CAPN10: variants seen among roughly 807,000 people sequenced by gnomAD.
CAPN10 encodes the protein calpain 10, also known as calpain-10.
CAPN10 carries 71 observed loss-of-function variants against 78.4 expected under a neutral mutation model. The observed-to-expected ratio is 0.91, with a 90% CI of 0.75 to 1.10. The LOEUF is 1.10. CAPN10 is among the 50% of genes least tolerant of loss of function. The pLI is 0.00. For synonymous variants in CAPN10, 437 were observed against 407.2 expected (o/e 1.07, Z -0.88); for missense variants, 849 against 924.6 (o/e 0.92, Z 1.06).
chr2:240,592,295 T>C (rs976253831), intron 4 of CAPN10, 145 bp downstream of exon 4: 15 of 766,780 alleles, frequency 2.0e-5, no homozygotes, highest in Non-Finnish European at 2.9e-5. Flanking sequence ...TCAAGGGTGG[T>C]GTCCTCAGTT....
At position 240,598,240 on chromosome 2, in the gene CAPN10, T is replaced by C. The variant is rs2093150170; in HGVS notation, c.1944-112T>C. ...GCTGTCCTGCCTACCTGGGGACCCT[T>C]CCTTGCTGGTCTGAGCCTGGAAGGA... On this transcript the variant is annotated intron_variant, in intron 10 of 11. Coordinates refer to ENST00000391984, the MANE Select transcript of CAPN10 (RefSeq NM_023083.4). 1.4e-5 allele frequency: 20 copies of C among 1,451,760 alleles called. No individual in the cohort carries two copies. In the Middle Eastern group the frequency reaches 2.3e-3, roughly 165 times the overall value. 89.9% of individuals were successfully genotyped at this position (1,451,760 alleles called of 1,614,324 possible).
chr2:240,597,966 T>A lies in CAPN10; in HGVS notation c.1822T>A (p.Tyr608Asn). ...GCTGCTGAGCTGCGTGCCACATCGC[T>A]ACGCCCAGGAGGTGAGCCGGCTCTG... ...EPLLSCVPHR[Y>N]AQEVSRLCLL... The change falls in exon 10 of 12, where the codon TAC becomes AAC. Residue 608 changes from tyrosine to asparagine, a missense_variant. Transcript: ENST00000391984. The A allele has an allele frequency of 6.2e-7, 1 of 1,613,030 alleles. No individual in the cohort carries two copies. Among genetic ancestry groups the A allele is most frequent in the Non-Finnish European group, 8.5e-7 (1 of 1,179,936 alleles).
chr2:240,595,961 C>T, intron 7 of CAPN10: 1 of 1,364,004 alleles, frequency 7.3e-7, no homozygotes, highest in Non-Finnish European at 9.7e-7. Context: ...CACACTGTTC[C>T]CTGTCCCTTC....
In CAPN10 at chr2:240,589,479, G is replaced by C. The variant is rs753055677; in HGVS notation, c.273+5G>C. 7 of 1,609,652 alleles carry C rather than the reference G, an allele frequency of 4.3e-6. No individual in the cohort carries two copies. Among genetic ancestry groups the C allele is most frequent in the Non-Finnish European group, 5.9e-6 (7 of 1,178,244 alleles). ...AGCAGGCACCTCCTGGACCAGGTGC[G>C]GGGCCCCTTCCCTGTGTTTGTCCTG... is the stretch of plus-strand genomic sequence containing the variant. On this transcript the variant is annotated splice_donor_5th_base_variant and intron_variant, in intron 2 of 11. Coordinates refer to ENST00000391984, the MANE Select transcript of CAPN10 (RefSeq NM_023083.4).
In CAPN10 at chr2:240,587,010, G is replaced by A; in HGVS notation, c.99G>A (p.Pro33=). Residue 33 remains proline (P), a synonymous_variant, in exon 1 of 12, where the codon CCG becomes CCA. Transcript: ENST00000391984. ...DSSLFCDLST[P]LAQFREDITW... ...CGCTCTTCTGCGACTTGTCTACGCC[G>A]CTGGCCCAGTTCCGCGAGGACATCA... 1 of 1,475,508 alleles carries A rather than the reference G, an allele frequency of 6.8e-7. No homozygotes were observed. Among genetic ancestry groups the A allele is most frequent in the South Asian group, 1.3e-5 (1 of 76,480 alleles). 91.4% of individuals were successfully genotyped at this position (1,475,508 alleles called of 1,614,324 possible).
chr2:240,589,611 A>G (rs1353409731), intron 2 of CAPN10, 137 bp downstream of exon 2: 27 of 1,146,260 alleles, frequency 2.4e-5, no homozygotes, highest in Non-Finnish European at 3.3e-5. Flanking sequence ...GGAAGGCAGG[A>G]GAGTTCCAAG....
intron 4 of CAPN10, among the ~76,000 whole-genome samples, chr2:240,593,599 G>A (rs2093116836): frequency 1.3e-5 from 2 of 152,268 alleles, no homozygotes; most frequent in African/African-American, 4.8e-5. Context: ...GCTGTGCCAG[G>A]CATCGTGCAC....
At chr2:240,596,105 G>A (rs1196757426) in intron 7 of CAPN10, 11 of 1,536,142 alleles carry the variant, frequency 7.2e-6, no homozygotes, top group Admixed American at 4.0e-5. Flanking sequence ...TTGCAGGCTC[G>A]TGTCTGGGAC....
rs757825561 is a variant in CAPN10 at position 240,598,335 on chromosome 2, C to G, written c.1944-17C>G. 1 of 1,613,654 alleles carries G rather than the reference C, an allele frequency of 6.2e-7. No individual in the cohort carries two copies. Among genetic ancestry groups the G allele is most frequent in the East Asian group, 2.2e-5 (1 of 44,864 alleles). On this transcript the variant is annotated splice_polypyrimidine_tract_variant and intron_variant, in intron 10 of 11. Transcript: ENST00000391984. The stretch of plus-strand genomic sequence containing the variant: ...ACAAGTGCAGTCTGGGAGCGCTGAT[C>G]TGGTGTCTCTCCACAGGCCATCCAT...
intron 9 of CAPN10, 88 bp from the exon 10 acceptor site, chr2:240,597,800 A>T: frequency 8.5e-7 from 1 of 1,181,036 alleles, no homozygotes; most frequent in Non-Finnish European, 1.2e-6. Context: ...GTGACTCAAG[A>T]GGGCCAAGGG....
chr2:240,589,639 C>A, intron 2 of CAPN10, 165 bp downstream of exon 2: 2 of 866,318 alleles, frequency 2.3e-6, no homozygotes, highest in Non-Finnish European at 3.4e-6. Context: ...CTGAGGACTG[C>A]ACTCTGTCCC....
In CAPN10 at chr2:240,595,115, C is replaced by G. The variant is rs151304022; in HGVS notation, c.1089C>G (p.Ser363Arg). 6 of 1,613,842 alleles carry G rather than the reference C, an allele frequency of 3.7e-6. No homozygotes were observed. In the African/African-American group the frequency reaches 8.0e-5, roughly 22 times the overall value. ...GCCGGAACAACAGCGGCTTTCCCAGCAACCCCAAATTCTGGCTGCGGGTCT... is the reference window on the plus strand; with the variant it reads ...GCCGGAACAACAGCGGCTTTCCCAGGAACCCCAAATTCTGGCTGCGGGTCT... Reference protein sequence around the residue: ...GGCRNNSGFPSNPKFWLRVSE... With the variant: ...GGCRNNSGFPRNPKFWLRVSE... The change falls in exon 7 of 12, where the codon AGC (serine) becomes AGG (arginine). Residue 363 changes from serine to arginine, a missense_variant. Transcript: ENST00000391984.
At chr2:240,594,819 T>C (rs1197281946) in intron 6 of CAPN10, 110 bp downstream of exon 6, 10 of 613,352 alleles carry the variant, frequency 1.6e-5, no homozygotes, top group Admixed American at 5.4e-5. Context: ...CTCTTCAGCG[T>C]GGAGAGATGA....
chr2:240,586,796 T>TGGGCCGGGCGGGGAACGGGCGGGGC lies in CAPN10; in HGVS notation c.-108_-84dup, dbSNP rs2093070393. 19 of 1,087,054 alleles carry TGGGCCGGGCGGGGAACGGGCGGGGC rather than the reference T, an allele frequency of 1.7e-5. No individual in the cohort carries two copies. The highest frequency in any genetic ancestry group is 3.4e-5 in the East Asian group (1 of 29,846). The allele number at this position is 1,087,054 out of a possible 1,614,324, so 67.3% of individuals were successfully genotyped here. A position where few individuals can be genotyped will look rare whatever the true frequency, so the allele number is the denominator to read the frequency against. ...TGCGGGGCCCTCGGGCTTGGAGGGC[T>TGGGCCGGGCGGGGAACGGGCGGGGC]GGGCCGGGCGGGGAACGGGCGGGGC... On this transcript the variant is annotated 5_prime_UTR_variant, in exon 1 of 12. Coordinates refer to ENST00000391984, the MANE Select transcript of CAPN10 (RefSeq NM_023083.4).
Position 240,592,100 on chromosome 2 carries a change from A to G in CAPN10, c.638A>G (p.His213Arg), listed in dbSNP as rs1264345141. ...WEHRTCRQLL[H>R]LKDQCLISCC... ...CACAGGACTTGTCGGCAGCTGCTCC[A>G]CCTGAAGGACCAGTGTCTGATCAGC... The change falls in exon 4 of 12, where the codon CAC becomes CGC. Residue 213 changes from histidine (H) to arginine (R), a missense_variant. His to Arg is a conservative substitution (Grantham distance 29, BLOSUM62 0). Coordinates refer to ENST00000391984, the MANE Select transcript of CAPN10 (RefSeq NM_023083.4). 1 of 1,590,794 alleles carries G rather than the reference A, an allele frequency of 6.3e-7. No individual in the cohort carries two copies. Among genetic ancestry groups the G allele is most frequent in the South Asian group, 1.1e-5 (1 of 87,682 alleles).
intron 7 of CAPN10, 134 bp downstream of exon 7, chr2:240,595,438 G>T: frequency 1.0e-6 from 1 of 975,818 alleles, no homozygotes. Context: ...CCCCCTCCTT[G>T]GGCTGTTGCA....
chr2:240,598,791 C>A lies in CAPN10; in HGVS notation c.*111C>A. On this transcript the variant is annotated 3_prime_UTR_variant, in exon 12 of 12. Transcript: ENST00000391984. ...GTGGGGGCTGGTCCTGAGTCTTGGCCTGCCTCCCAGCCCTGCCAGGAGGCT... is the reference window on the plus strand; with the variant it reads ...GTGGGGGCTGGTCCTGAGTCTTGGCATGCCTCCCAGCCCTGCCAGGAGGCT... The A allele has an allele frequency of 9.3e-7, 1 of 1,079,112 alleles. No individual in the cohort carries two copies. The highest frequency in any genetic ancestry group is 1.4e-6 in the Non-Finnish European group (1 of 721,750). 66.8% of individuals were successfully genotyped at this position (1,079,112 alleles called of 1,614,324 possible).
chr2:240,587,604 G>A (rs373090775), intron 1 of CAPN10, among the ~76,000 whole-genome samples: 1 of 152,256 alleles, frequency 6.6e-6, no homozygotes, highest in South Asian at 2.1e-4. Flanking sequence ...TGCCCAGGGA[G>A]CAACCTTGCC....
intron 3 of CAPN10, 185 bp downstream of exon 3, chr2:240,591,196 T>A (rs2093099714): frequency 1.7e-6 from 1 of 596,746 alleles, no homozygotes; most frequent in South Asian, 2.2e-5. Flanking sequence ...TTTGGGCCTG[T>A]GGATTGCCCA....
Sources: allele counts gnomAD v4.1 joint callset (sites outside exome capture counted in the v4.1 genomes callset), GRCh38; gene constraint gnomAD v4.1.1; transcripts MANE v1.5; gene names NCBI Gene and HGNC (gene_info 2026-07-23, HGNC 2026-07-21).